OXR1: variants seen among roughly 807,000 people sequenced by gnomAD.
OXR1 encodes the protein oxidation resistance 1.
Under a neutral mutation model 104.6 loss-of-function variants are expected in OXR1, and 41 were observed. The ratio of observed to expected loss-of-function variants is 0.39; its 90% CI spans 0.31 to 0.51. The LOEUF is 0.51. Among genes scored for constraint, OXR1 ranks in the 20% least tolerant of loss-of-function variants. OXR1 has a pLI of 0.77. For synonymous variants in OXR1, 348 were observed against 348.4 expected (o/e 1.00, Z 0.01); for missense variants, 955 against 1,031.9 (o/e 0.93, Z 1.02).
chr8:106,516,721 C>A (rs938088611), intron 2 of OXR1, among the ~76,000 whole-genome samples: 3 of 152,022 alleles, frequency 2.0e-5, no homozygotes, highest in African/African-American at 7.3e-5. Flanking sequence ...CCACCTTATC[C>A]ACAGTTTGGT....
At position 106,701,736 on chromosome 8, in the gene OXR1, G is replaced by A. The variant is rs554885108; in HGVS notation, c.676-1170G>A. Among the ~76,000 whole-genome samples, 9 of 152,258 alleles carry A rather than the reference G, an allele frequency of 5.9e-5. No homozygotes were observed. The South Asian group carries it at 1.5e-3, about 25-fold the overall frequency. On this transcript the variant is annotated intron_variant, in intron 7 of 16. Transcript: ENST00000517566. ...TTCAAATCCTAGCTGTTTAGGACAA[G>A]TTTCCAGGTGTTTCTCACCATTAGT... is the stretch of plus-strand genomic sequence containing the variant.
At chr8:106,722,647 C>T (rs1022077308) in intron 11 of OXR1, among the ~76,000 whole-genome samples, 20 of 152,112 alleles carry the variant, frequency 1.3e-4, no homozygotes, top group Admixed American at 5.2e-4. Context: ...GTATTCAGTA[C>T]AGTAACGTGC....
intron 3 of OXR1, among the ~76,000 whole-genome samples, chr8:106,677,473 T>C (rs773701816): frequency 8.5e-5 from 13 of 152,164 alleles, no homozygotes; most frequent in Non-Finnish European, 1.5e-4. Context: ...TGCAGAAGAA[T>C]ATCTCATTTC....
At chr8:106,468,828 G>A (rs978809430) in intron 2 of OXR1, among the ~76,000 whole-genome samples, 9 of 151,806 alleles carry the variant, frequency 5.9e-5, no homozygotes, top group African/African-American at 9.7e-5. Context: ...GGATTACTTC[G>A]TCATGAGAGA....
At chr8:106,388,664 C>T (rs953274026) in intron 2 of OXR1, among the ~76,000 whole-genome samples, 9 of 152,114 alleles carry the variant, frequency 5.9e-5, no homozygotes, top group Non-Finnish European at 1.3e-4. Flanking sequence ...CCTTGTGATC[C>T]GCCCGCCTCG....
chr8:106,581,313 C>A, intron 3 of OXR1: 1 of 1,102,634 alleles, frequency 9.1e-7, no homozygotes, highest in Non-Finnish European at 1.2e-6. Flanking sequence ...TAAAAAATGT[C>A]AACCACTTGT....
At chr8:106,349,781 GCA>G (rs2130303233) in intron 1 of OXR1, among the ~76,000 whole-genome samples, 1 of 152,278 alleles carries the variant, frequency 6.6e-6, no homozygotes, top group South Asian at 2.1e-4. Context: ...GATGGGTATA[GCA>G]GGCAAAGGGA....
chr8:106,726,314 A>G, intron 11 of OXR1: 1 of 1,428,372 alleles, frequency 7.0e-7, no homozygotes, highest in Non-Finnish European at 9.5e-7. Flanking sequence ...ACTCTGGTAA[A>G]TCTTAGTCAA....
rs1224959633 is a variant in OXR1, at chr8:106,707,049, A to G, written c.1528A>G (p.Thr510Ala). 3 of 1,613,964 alleles carry G rather than the reference A, an allele frequency of 1.9e-6. No individual in the cohort carries two copies. Among genetic ancestry groups the G allele is most frequent in the South Asian group, 2.2e-5 (2 of 91,078 alleles). The change falls in exon 9 of 17, where the codon ACT becomes GCT. Residue 510 changes from threonine to alanine, a missense_variant. Thr to Ala is a moderately conservative substitution (Grantham distance 58, BLOSUM62 0). Transcript: ENST00000517566. ...GCTACGCAAACTTTGGAAAACCCAT[A>G]CTATGCAACAAACTAAACAGCAAAG... is the stretch of plus-strand genomic sequence containing the variant. ...EELRKLWKTH[T>A]MQQTKQQREN...
At chr8:106,496,096 G>A (rs1811395028) in intron 2 of OXR1, among the ~76,000 whole-genome samples, 1 of 152,144 alleles carries the variant, frequency 6.6e-6, no homozygotes, top group Non-Finnish European at 1.5e-5. Flanking sequence ...CCCTGAGGAT[G>A]GACCCCAGGT....
At chr8:106,608,231 A>T (rs543679902) in intron 3 of OXR1, among the ~76,000 whole-genome samples, 1 of 152,314 alleles carries the variant, frequency 6.6e-6, no homozygotes, top group East Asian at 1.9e-4. Flanking sequence ...TCAAGGCTGC[A>T]GTGAGCTATG....
At chr8:106,653,635 A>G (rs1434738076) in intron 3 of OXR1, among the ~76,000 whole-genome samples, 2 of 151,954 alleles carry the variant, frequency 1.3e-5, no homozygotes, top group African/African-American at 2.4e-5. Context: ...ACGATGTATA[A>G]TATCATATTT....
At chr8:106,504,889 A>C (rs1310156905) in intron 2 of OXR1, among the ~76,000 whole-genome samples, 3 of 152,036 alleles carry the variant, frequency 2.0e-5, no homozygotes, top group Admixed American at 1.3e-4. Context: ...GCTTTTCTGC[A>C]TTCACTCTCC....
At chr8:106,593,375 A>G (rs1819255421) in intron 3 of OXR1, among the ~76,000 whole-genome samples, 1 of 152,242 alleles carries the variant, frequency 6.6e-6, no homozygotes, top group South Asian at 2.1e-4. Flanking sequence ...CATATAAAAT[A>G]GTGGATCCAG....
At chr8:106,380,086 C>T (rs1433276390) in intron 2 of OXR1, among the ~76,000 whole-genome samples, 2 of 151,948 alleles carry the variant, frequency 1.3e-5, no homozygotes, top group African/African-American at 2.4e-5. Context: ...CGTTAGCAGT[C>T]ATTCCTTCTT....
chr8:106,375,085 TTAGA>T (rs1335241488), intron 2 of OXR1, among the ~76,000 whole-genome samples: 3 of 152,354 alleles, frequency 2.0e-5, no homozygotes, highest in East Asian at 1.9e-4. Flanking sequence ...GTATTTTCAC[TTAGA>T]TATTTTTCCC....
chr8:106,719,773 TTTATTTTACAGA>T (rs1832660432), intron 11 of OXR1, among the ~76,000 whole-genome samples: 1 of 152,110 alleles, frequency 6.6e-6, no homozygotes, highest in Non-Finnish European at 1.5e-5. Context: ...GATTATCATC[TTTATTTTACAGA>T]TAATTTCTTT....
chr8:106,660,927 C>T (rs971273799), intron 3 of OXR1, among the ~76,000 whole-genome samples: 1 of 151,956 alleles, frequency 6.6e-6, no homozygotes, highest in Admixed American at 6.6e-5. Context: ...GCAGGAGAAT[C>T]GCTTAAACCC....
intron 3 of OXR1, among the ~76,000 whole-genome samples, chr8:106,565,940 G>A (rs1246812198): frequency 1.3e-5 from 2 of 152,062 alleles, no homozygotes; most frequent in South Asian, 2.1e-4. Flanking sequence ...ACTGAAACTG[G>A]TCCCCTTCCT....
Sources: gnomAD v4.1 joint callset for allele counts (sites outside exome capture counted in the v4.1 genomes callset) on GRCh38, gnomAD v4.1.1 for gene constraint, MANE v1.5 for transcripts, NCBI Gene and HGNC (gene_info 2026-07-23, HGNC 2026-07-21) for gene names.